Variants in N4BP2L2 observed in about 807,000 individuals in gnomAD.
N4BP2L2 encodes the protein NEDD4-binding protein 2-like 2.
Under a neutral mutation model 56.2 loss-of-function variants are expected in N4BP2L2, and 50 were observed. The ratio of observed to expected loss-of-function variants is 0.89; its 90% CI spans 0.71 to 1.13. The LOEUF (loss-of-function observed/expected upper bound fraction) is 1.13. Among genes scored for constraint, N4BP2L2 ranks in the 50% most tolerant of loss-of-function variants. The probability of loss-of-function intolerance (pLI) is 0.00; values close to 1 mark genes in which losing one functional copy is unlikely to be tolerated. For synonymous variants in N4BP2L2, 203 were observed against 223.6 expected, an observed-to-expected ratio of 0.91 and a Z score of 0.82; for missense variants, 689 against 693.8, an observed-to-expected ratio of 0.99 and a Z score of 0.08.
chr13:32,526,029 CA>C (rs1274880215), intron 3 of N4BP2L2, among the ~76,000 whole-genome samples: 751 of 37,382 alleles, frequency 0.02, 1 homozygote, highest in African/African-American at 0.039. Flanking sequence ...ATCTGCTTGC[CA>C]AAAAAAAAAA....
At chr13:32,442,650 T>C (rs1328503072) in exon 7 of N4BP2L2, 3 of 1,613,956 alleles carry the variant, frequency 1.9e-6, no homozygotes, top group East Asian at 2.2e-5. Flanking sequence ...CATCATTTAG[T>C]TTATTACCTA....
chr13:32,478,212 C>T (rs367761094), intron 6 of N4BP2L2: 2 of 443,478 alleles, frequency 4.5e-6, no homozygotes, highest in Middle Eastern at 6.4e-4. Context: ...AATATTATGA[C>T]ATTTAAGAAG....
At chr13:32,483,795 CAG>C (rs1402004223) in intron 6 of N4BP2L2, among the ~76,000 whole-genome samples, 11 of 151,922 alleles carry the variant, frequency 7.2e-5, no homozygotes. Flanking sequence ...TCACTTTCAG[CAG>C]TTGTGTATGT....
chr13:32,537,116 C>T (rs1211508265), intron 1 of N4BP2L2, 89 bp from the exon 2 acceptor site: 46 of 945,312 alleles, frequency 4.9e-5, no homozygotes, highest in Non-Finnish European at 5.8e-6. Flanking sequence ...TAGACAAAGA[C>T]ATTTAAATTT....
At chr13:32,516,793 G>A (rs1342404363) in exon 6 of N4BP2L2, 1 of 550,922 alleles carries the variant, frequency 1.8e-6, no homozygotes. Context: ...AAGTAGTAGT[G>A]TTTTTTTCCT....
intron 6 of N4BP2L2, among the ~76,000 whole-genome samples, chr13:32,452,045 TTTTTTC>T (rs1262139195): frequency 6.6e-5 from 9 of 136,300 alleles, no homozygotes; most frequent in East Asian, 2.8e-4. Flanking sequence ...ACCTCCAGCT[TTTTTTC>T]TTTTTCTTTT....
At chr13:32,448,680 G>T (rs984102167) in intron 6 of N4BP2L2, among the ~76,000 whole-genome samples, 1 of 152,156 alleles carries the variant, frequency 6.6e-6, no homozygotes, top group Non-Finnish European at 1.5e-5. Context: ...CAGGAAGGGA[G>T]GGTGGAAAGC....
chr13:32,461,423 G>A (rs1478006674), intron 6 of N4BP2L2, among the ~76,000 whole-genome samples: 5 of 151,716 alleles, frequency 3.3e-5, no homozygotes, highest in Non-Finnish European at 7.4e-5. Context: ...CAACCCAAAC[G>A]CAAAACAAAG....
intron 6 of N4BP2L2, among the ~76,000 whole-genome samples, chr13:32,475,894 G>A (rs1378931350): frequency 2.0e-5 from 3 of 151,954 alleles, no homozygotes; most frequent in East Asian, 1.9e-4. Context: ...AGAAAAATAC[G>A]GCAAAGGGAG....
At chr13:32,441,676 C>G (rs944760935) in intron 7 of N4BP2L2, among the ~76,000 whole-genome samples, 1 of 146,136 alleles carries the variant, frequency 6.8e-6, no homozygotes, top group African/African-American at 2.5e-5. Flanking sequence ...AAGAGCGAAA[C>G]TCCCTCTCAA....
At position 32,454,413 on chromosome 13, in the gene N4BP2L2, C is replaced by T. The variant is rs1004812796; in HGVS notation, c.366-10287G>A. ...AGTTACAACAAGGAGCAGAAACAAA[C>T]CTTGGGGGGGAGGGGGTGAAATATG... On this transcript the variant is annotated intron_variant, in intron 6 of 9. Coordinates refer to the N4BP2L2 transcript ENST00000357505. 3.3e-5 allele frequency among the ~76,000 whole-genome samples: 5 copies of T among 152,052 alleles called. No individual in the cohort carries two copies. The East Asian group carries it at 9.7e-4, about 29-fold the overall frequency.
chr13:32,536,843 A>G, exon 2 of N4BP2L2: 1 of 1,614,020 alleles, frequency 6.2e-7, no homozygotes, highest in Non-Finnish European at 8.5e-7. Flanking sequence ...ATGTCCTCTG[A>G]CATCAATGAT....
In N4BP2L2 at chr13:32,521,310, A is replaced by G. The variant is rs562088506; in HGVS notation, c.1550+63T>C. ...TTTGTATTCAATAAACTGTGAAAGG[A>G]TGTCAGAATTCACAAAAGAAAGAAG... On this transcript the variant is annotated intron_variant, in intron 5 of 5. Coordinates refer to ENST00000267068, the Ensembl canonical transcript of N4BP2L2. 14 of 1,200,374 alleles carry G rather than the reference A, an allele frequency of 1.2e-5. No individual in the cohort carries two copies. In the African/African-American group the frequency reaches 1.2e-4, roughly 10 times the overall value. 74.4% of individuals were successfully genotyped at this position (1,200,374 alleles called of 1,614,324 possible). A position where few individuals can be genotyped will look rare whatever the true frequency, so the allele number is the denominator to read the frequency against.
intron 6 of N4BP2L2, among the ~76,000 whole-genome samples, chr13:32,487,323 A>G (rs1210428556): frequency 6.6e-6 from 1 of 151,898 alleles, no homozygotes; most frequent in Non-Finnish European, 1.5e-5. Context: ...AAAAAGTACA[A>G]AAATTATCTG....
intron 2 of N4BP2L2, among the ~76,000 whole-genome samples, 169 bp downstream of exon 2, chr13:32,535,600 C>CT (rs2056353342): frequency 6.6e-6 from 1 of 152,134 alleles, no homozygotes; most frequent in African/African-American, 2.4e-5. Context: ...GACAGGGTCT[C>CT]ACTATGTTGC....
exon 10 of N4BP2L2, chr13:32,432,516 C>T (rs1412165061): frequency 1.3e-5 from 2 of 152,134 alleles, no homozygotes; most frequent in African/African-American, 2.4e-5. Context: ...ATTTATAACA[C>T]ACTTAAAAGT....
intron 1 of N4BP2L2, 90 bp from the exon 2 acceptor site, chr13:32,537,117 A>G: frequency 3.2e-6 from 3 of 946,386 alleles, no homozygotes; most frequent in Non-Finnish European, 4.3e-6. Flanking sequence ...AGACAAAGAC[A>G]TTTAAATTTG....
chr13:32,471,121 T>A (rs944622029), intron 6 of N4BP2L2, among the ~76,000 whole-genome samples: 1 of 152,200 alleles, frequency 6.6e-6, no homozygotes, highest in South Asian at 2.1e-4. Flanking sequence ...TCAAAGCTTA[T>A]GTATGTAACG....
chr13:32,522,222 G>T, exon 4 of N4BP2L2: 1 of 1,573,290 alleles, frequency 6.4e-7, no homozygotes, highest in Non-Finnish European at 8.6e-7. Flanking sequence ...TTGTATATTA[G>T]TGTTATCTAT....
Sources: allele counts gnomAD v4.1 joint callset (sites outside exome capture counted in the v4.1 genomes callset), GRCh38; gene constraint gnomAD v4.1.1; transcripts MANE v1.5; gene names NCBI Gene and HGNC (gene_info 2026-07-23, HGNC 2026-07-21).